The following LINGO2 variants were observed in gnomAD, a reference collection of about 807,000 sequenced individuals.
The protein encoded by LINGO2 is leucine rich repeat and Ig domain containing 2, also known as leucine-rich repeat and immunoglobulin-like domain-containing nogo receptor-interacting protein 2.
In LINGO2, 14 loss-of-function variants were observed where a neutral mutation model predicts 30.6. The ratio of observed to expected loss-of-function variants is 0.46; its 90% CI spans 0.30 to 0.72. The LOEUF is 0.72. Among genes scored for constraint, LINGO2 ranks in the 30% least tolerant of loss-of-function variants. LINGO2 has a pLI of 0.07. For synonymous variants in LINGO2, 317 were observed against 288.5 expected, an observed-to-expected ratio of 1.10 and a Z score of -1.00; for missense variants, 729 against 751.7, an observed-to-expected ratio of 0.97 and a Z score of 0.35.
At chr9:28,096,865 G>A (rs1036982941) in intron 4 of LINGO2, among the ~76,000 whole-genome samples, 5 of 152,036 alleles carry the variant, frequency 3.3e-5, no homozygotes, top group South Asian at 2.1e-4. Context: ...CTGAAGTGAG[G>A]CGAATTTTTA....
chr9:28,955,000 T>G, the LINGO2 span, among the ~76,000 whole-genome samples: 1 of 151,834 alleles, frequency 6.6e-6, no homozygotes, highest in East Asian at 1.9e-4. Context: ...CTGAATCAAC[T>G]GAGGGAATTG....
chr9:28,763,253 C>T, the LINGO2 span, among the ~76,000 whole-genome samples: 1 of 152,032 alleles, frequency 6.6e-6, no homozygotes, highest in Non-Finnish European at 1.5e-5. Flanking sequence ...TTCCCAATTT[C>T]ACACAGAATG....
At chr9:28,676,320 T>C in the LINGO2 span, among the ~76,000 whole-genome samples, 1 of 151,986 alleles carries the variant, frequency 6.6e-6, no homozygotes. Context: ...ATATATTCAA[T>C]GAATAATTTG....
the LINGO2 span, among the ~76,000 whole-genome samples, chr9:29,030,234 G>GA: frequency 4.6e-5 from 7 of 151,886 alleles, no homozygotes; most frequent in Non-Finnish European, 7.4e-5. Flanking sequence ...TATTTTATCA[G>GA]AAAAAATTTC....
At chr9:27,957,101 T>C (rs892446347) in intron 5 of LINGO2, among the ~76,000 whole-genome samples, 2 of 152,050 alleles carry the variant, frequency 1.3e-5, no homozygotes, top group Non-Finnish European at 2.9e-5. Flanking sequence ...TACAAAAATA[T>C]AAATAAGTAA....
At chr9:28,021,948 G>C (rs940616572) in intron 4 of LINGO2, among the ~76,000 whole-genome samples, 15 of 151,780 alleles carry the variant, frequency 9.9e-5, no homozygotes, top group African/African-American at 3.6e-4. Context: ...CATAATTACT[G>C]CATTTAACCA....
At chr9:29,139,804 G>A in the LINGO2 span, among the ~76,000 whole-genome samples, 3 of 151,850 alleles carry the variant, frequency 2.0e-5, no homozygotes, top group Admixed American at 6.6e-5. Context: ...TTAAAATTCC[G>A]GCTTCTGAGG....
intron 1 of LINGO2, among the ~76,000 whole-genome samples, chr9:28,548,596 C>T (rs181450052): frequency 5.5e-5 from 8 of 145,900 alleles, no homozygotes; most frequent in Admixed American, 1.4e-4. Flanking sequence ...CTCAGCTACT[C>T]GGGAGGCTGA....
intron 4 of LINGO2, among the ~76,000 whole-genome samples, chr9:28,265,525 T>C (rs994184003): frequency 6.6e-6 from 1 of 152,008 alleles, no homozygotes; most frequent in Non-Finnish European, 1.5e-5. Flanking sequence ...ATTTAATAAA[T>C]GTACTGTATT....
At position 28,129,824 on chromosome 9, in the gene LINGO2, G is replaced by A. The variant is rs1827334881; in HGVS notation, c.-86-117419C>T. On this transcript the variant is annotated intron_variant, in intron 4 of 5. Transcript: ENST00000379992. This position sits in a 1 kb window ranked among gnomAD's most constrained non-coding sequence, Gnocchi z 4.0. ...ATATTGTTTATTTTTGGTTTAAGAA[G>A]GTGAAAACATTCATAGCAGAACACT... 6.6e-6 allele frequency among the ~76,000 whole-genome samples: 1 copy of A among 151,960 alleles called. No homozygotes were observed. Among genetic ancestry groups the A allele is most frequent in the South Asian group, 2.1e-4 (1 of 4,814 alleles).
At chr9:28,250,059 C>T (rs562630231) in intron 4 of LINGO2, among the ~76,000 whole-genome samples, 1 of 152,200 alleles carries the variant, frequency 6.6e-6, no homozygotes, top group Non-Finnish European at 1.5e-5. Context: ...TGTTTTATTA[C>T]TGACACCAAA....
chr9:28,803,346 T>C, the LINGO2 span, among the ~76,000 whole-genome samples: 1 of 151,934 alleles, frequency 6.6e-6, no homozygotes, highest in African/African-American at 2.4e-5. Flanking sequence ...TATACTATCA[T>C]GTATTTACTG....
chr9:28,815,907 G>A, the LINGO2 span, among the ~76,000 whole-genome samples: 20 of 152,110 alleles, frequency 1.3e-4, no homozygotes, highest in African/African-American at 4.6e-4. Flanking sequence ...CTGCTAGAAC[G>A]GAATACCACG....
At chr9:28,125,887 C>G (rs1309792932) in intron 4 of LINGO2, among the ~76,000 whole-genome samples, 1 of 152,132 alleles carries the variant, frequency 6.6e-6, no homozygotes, top group African/African-American at 2.4e-5. Context: ...CTCTAATTGC[C>G]AGCATATTTA....
chr9:28,186,710 T>G (rs1587168091), intron 4 of LINGO2, among the ~76,000 whole-genome samples: 1 of 152,026 alleles, frequency 6.6e-6, no homozygotes. Context: ...AAAGGTCATA[T>G]AGACATCTGG....
the LINGO2 span, among the ~76,000 whole-genome samples, chr9:29,020,341 A>T: frequency 6.6e-6 from 1 of 152,052 alleles, no homozygotes; most frequent in Non-Finnish European, 1.5e-5. Context: ...TAGGGCAGTT[A>T]TTTTTTTTAT....
the LINGO2 span, among the ~76,000 whole-genome samples, chr9:28,913,873 T>C: frequency 2.0e-5 from 3 of 152,180 alleles, no homozygotes; most frequent in Admixed American, 1.3e-4. Context: ...TCATTTTAGA[T>C]TCTGCAAAAT....
intron 4 of LINGO2, among the ~76,000 whole-genome samples, chr9:28,291,287 T>G (rs192799645): frequency 3.9e-4 from 60 of 152,290 alleles, no homozygotes; most frequent in Non-Finnish European, 6.9e-4. Context: ...TGGTGGACTT[T>G]GAGATCATTA....
the LINGO2 span, among the ~76,000 whole-genome samples, chr9:28,840,171 C>T: frequency 3.3e-5 from 5 of 151,830 alleles, no homozygotes; most frequent in Non-Finnish European, 7.4e-5. Context: ...CTCAGGTTCC[C>T]AGCTGTGACT....
Sources: gnomAD v4.1 joint callset for allele counts (sites outside exome capture counted in the v4.1 genomes callset) on GRCh38, gnomAD v4.1.1 for gene constraint, Gnocchi (gnomAD v3.1) non-coding constraint, MANE v1.5 for transcripts, NCBI Gene and HGNC (gene_info 2026-07-23, HGNC 2026-07-21) for gene names.